The following PDE7A variants were observed in gnomAD, a reference collection of about 807,000 sequenced individuals.
PDE7A encodes the protein phosphodiesterase 7A.
A neutral mutation model predicts 64.3 loss-of-function variants in PDE7A; 39 were observed. The observed-to-expected ratio is 0.61, with a 90% CI of 0.47 to 0.79. PDE7A has a LOEUF of 0.79. PDE7A is among the 30% of genes least tolerant of loss of function. The pLI, the probability that PDE7A is intolerant of heterozygous loss-of-function variation, is 0.00. For missense variants in PDE7A, 470 were observed against 582.8 expected (o/e 0.81, Z 1.99); for synonymous variants, 203 against 206.8 (o/e 0.98, Z 0.16).
intron 3 of PDE7A, among the ~76,000 whole-genome samples, chr8:65,752,192 A>G (rs1808001196): frequency 6.6e-6 from 1 of 152,126 alleles, no homozygotes; most frequent in Admixed American, 6.5e-5. Context: ...ATTGTTAGTT[A>G]CCAGAGCATA....
chr8:65,784,171 T>C (rs941408302), intron 1 of PDE7A, among the ~76,000 whole-genome samples: 2 of 152,052 alleles, frequency 1.3e-5, no homozygotes, highest in Admixed American at 6.6e-5. Flanking sequence ...ATGGCACCAC[T>C]GCACTTCAGC....
At chr8:65,840,363 C>G (rs561337747) in intron 1 of PDE7A, among the ~76,000 whole-genome samples, 19 of 151,746 alleles carry the variant, frequency 1.3e-4, no homozygotes, top group Admixed American at 3.3e-4. Flanking sequence ...ACTTATTACA[C>G]GCAAAATTTC....
chr8:65,715,003 A>G lies in PDE7A; in HGVS notation c.*4287T>C, dbSNP rs949028055. Among the ~76,000 whole-genome samples, 1 of 152,118 alleles carries G rather than the reference A, an allele frequency of 6.6e-6. No individual in the cohort carries two copies. Among genetic ancestry groups the G allele is most frequent in the Non-Finnish European group, 1.5e-5 (1 of 68,032 alleles). The stretch of plus-strand genomic sequence containing the variant: ...TTTTTTAAAGTTAGGACTTGTCAAA[A>G]TTTTCTCTCCAAGGACCTTTTACTC... On this transcript the variant is annotated 3_prime_UTR_variant, in exon 13 of 13. Transcript: ENST00000401827.
At chr8:65,782,657 C>T in intron 2 of PDE7A, 126 bp downstream of exon 2, 1 of 606,186 alleles carries the variant, frequency 1.6e-6, no homozygotes, top group Non-Finnish European at 2.9e-6. Flanking sequence ...ACTCTAAACT[C>T]CATGAATAGG....
At chr8:65,771,267 T>G (rs1279901176) in intron 3 of PDE7A, 1 of 153,370 alleles carries the variant, frequency 6.5e-6, no homozygotes, top group Non-Finnish European at 1.5e-5. Context: ...AAAAGAAAAG[T>G]TCAATATTGC....
chr8:65,822,941 TTATCTATC>T (rs149238076), intron 1 of PDE7A, among the ~76,000 whole-genome samples: 3 of 148,820 alleles, frequency 2.0e-5, no homozygotes, highest in Non-Finnish European at 2.9e-5. Flanking sequence ...TCTATTAACT[TTATCTATC>T]TATCTATCTA....
At chr8:65,839,206 A>C (rs1811017995) in intron 1 of PDE7A, among the ~76,000 whole-genome samples, 1 of 146,922 alleles carries the variant, frequency 6.8e-6, no homozygotes, top group African/African-American at 2.7e-5. Flanking sequence ...TAACTATTTT[A>C]CTTAATGTCT....
At chr8:65,740,790 C>G (rs547693951) in intron 5 of PDE7A, among the ~76,000 whole-genome samples, 2 of 152,178 alleles carry the variant, frequency 1.3e-5, no homozygotes, top group African/African-American at 4.8e-5. Flanking sequence ...CACCCCACCC[C>G]ACCAATCTCT....
intron 1 of PDE7A, among the ~76,000 whole-genome samples, chr8:65,787,830 C>T (rs959366709): frequency 2.0e-5 from 3 of 151,600 alleles, no homozygotes; most frequent in African/African-American, 4.8e-5. Context: ...CACAAGACAA[C>T]TAATGCATTA....
At chr8:65,789,214 G>A (rs1809637649) in intron 1 of PDE7A, 3 of 415,298 alleles carry the variant, frequency 7.2e-6, no homozygotes, top group Non-Finnish European at 1.2e-5. Context: ...GGAGGGAAAA[G>A]ACTTTAGTGA....
At chr8:65,832,762 C>T (rs568506848) in intron 1 of PDE7A, among the ~76,000 whole-genome samples, 1 of 152,272 alleles carries the variant, frequency 6.6e-6, no homozygotes, top group East Asian at 1.9e-4. Context: ...GTTGGGATTA[C>T]AGGCATGAAC....
At chr8:65,794,354 A>G (rs1036603555) in intron 1 of PDE7A, among the ~76,000 whole-genome samples, 2 of 151,918 alleles carry the variant, frequency 1.3e-5, no homozygotes, top group African/African-American at 4.8e-5. Flanking sequence ...CCTCAAAACT[A>G]CTATGGCAAC....
chr8:65,715,168 GTAA>G lies in PDE7A; in HGVS notation c.*4119_*4121del, dbSNP rs2129061677. On this transcript the variant is annotated 3_prime_UTR_variant, in exon 13 of 13. Transcript: ENST00000401827. ...TAATATTTACTTGCTTTTTAAAAAA[GTAA>G]TCTTTTAAATATTTAACTGTTTCCT... is the stretch of plus-strand genomic sequence containing the variant. Among the ~76,000 whole-genome samples, 1 of 152,106 alleles carries G rather than the reference GTAA, an allele frequency of 6.6e-6. No homozygotes were observed. Among genetic ancestry groups the G allele is most frequent in the South Asian group, 2.1e-4 (1 of 4,810 alleles).
chr8:65,835,180 T>C (rs1214174734), intron 1 of PDE7A, among the ~76,000 whole-genome samples: 1 of 152,204 alleles, frequency 6.6e-6, no homozygotes, highest in African/African-American at 2.4e-5. Flanking sequence ...AATTTAAGTT[T>C]TGAATTATTT....
At chr8:65,777,641 C>T (rs1182517296) in intron 3 of PDE7A, among the ~76,000 whole-genome samples, 1 of 152,072 alleles carries the variant, frequency 6.6e-6, no homozygotes, top group Non-Finnish European at 1.5e-5. Context: ...GAAGTGTATC[C>T]TTTTCAGAGT....
intron 3 of PDE7A, among the ~76,000 whole-genome samples, chr8:65,771,807 G>C (rs1809098047): frequency 1.3e-5 from 2 of 149,944 alleles, no homozygotes; most frequent in Admixed American, 1.3e-4. Context: ...CCTGGAAGGT[G>C]GAGGCTGCAG....
In PDE7A at chr8:65,734,839, A is replaced by G; in HGVS notation, c.651T>C (p.Ala217=). 1.2e-6 allele frequency: 2 copies of G among 1,612,654 alleles called. No homozygotes were observed. The highest frequency in any genetic ancestry group is 1.7e-6 in the Non-Finnish European group (2 of 1,178,634). Residue 217 remains alanine (A), a synonymous_variant, in exon 7 of 13, where the codon GCT becomes GCC. Coordinates refer to ENST00000401827, the MANE Select transcript of PDE7A (RefSeq NM_001242318.3). The part of the protein sequence containing the change: ...SQNPYHNAVH[A]ADVTQAMHCY... ...AGTGCATGGCCTGAGTAACATCCGCAGCGTGGACTGCGTTATGGTAAGGAT... is the reference window on the plus strand; with the variant it reads ...AGTGCATGGCCTGAGTAACATCCGCGGCGTGGACTGCGTTATGGTAAGGAT...
chr8:65,815,070 G>T (rs893157110), intron 1 of PDE7A, among the ~76,000 whole-genome samples: 10 of 146,808 alleles, frequency 6.8e-5, no homozygotes, highest in African/African-American at 2.3e-4. Context: ...GACAGAGTGA[G>T]ACTCCATCTC....
intron 1 of PDE7A, among the ~76,000 whole-genome samples, chr8:65,806,205 G>A (rs1447627525): frequency 6.6e-6 from 1 of 152,060 alleles, no homozygotes; most frequent in East Asian, 1.9e-4. Flanking sequence ...AGTAAATGCT[G>A]CAAAACATAA....
Sources: allele counts gnomAD v4.1 joint callset (sites outside exome capture counted in the v4.1 genomes callset), GRCh38; gene constraint gnomAD v4.1.1; transcripts MANE v1.5; gene names NCBI Gene and HGNC (gene_info 2026-07-23, HGNC 2026-07-21).